SLC38A9: variants seen among roughly 807,000 people sequenced by gnomAD.
SLC38A9 encodes the protein neutral amino acid transporter 9.
A neutral mutation model predicts 62.3 loss-of-function variants in SLC38A9; 48 were observed. That is an observed-to-expected ratio of 0.77 (90% CI 0.61 to 0.98). The LOEUF is 0.98. Ranked by LOEUF, SLC38A9 falls within the 50% of genes least tolerant of loss-of-function variation. SLC38A9 has a pLI of 0.00. For synonymous variants in SLC38A9, 204 were observed against 227.7 expected (o/e 0.90, Z 0.94); for missense variants, 541 against 679.8 (o/e 0.80, Z 2.27).
At chr5:55,664,571 A>G (rs1750144463) in intron 8 of SLC38A9, 122 bp downstream of exon 8, 1 of 530,212 alleles carries the variant, frequency 1.9e-6, no homozygotes, top group African/African-American at 2.0e-5. Flanking sequence ...ATTTTCCAAA[A>G]TTATATATGT....
chr5:55,631,111 C>T (rs188189699), intron 14 of SLC38A9, among the ~76,000 whole-genome samples: 44 of 152,034 alleles, frequency 2.9e-4, no homozygotes, highest in African/African-American at 9.6e-4. Flanking sequence ...CCAGCCTGGG[C>T]GACAAGAGTG....
At position 55,630,523 on chromosome 5, in the gene SLC38A9, G is replaced by A. The variant is rs540946707; in HGVS notation, c.1431-2543C>T. 2.2e-4 allele frequency among the ~76,000 whole-genome samples: 34 copies of A among 152,214 alleles called. No individual in the cohort carries two copies. In the South Asian group the frequency reaches 7.1e-3, roughly 32 times the overall value. On this transcript the variant is annotated intron_variant, in intron 14 of 15. Transcript: ENST00000396865. Reference sequence around the variant, plus strand: ...AGTAGAGATGGGGTTTCACCATGGTGGCCAGGATGGTCTCGATCTCCTGAC... The same window carrying A: ...AGTAGAGATGGGGTTTCACCATGGTAGCCAGGATGGTCTCGATCTCCTGAC...
chr5:55,691,438 G>A (rs1754725600), intron 3 of SLC38A9: 2 of 1,014,226 alleles, frequency 2.0e-6, no homozygotes, highest in South Asian at 4.2e-5. Context: ...AAATCCCTAG[G>A]CCCTGGGGAA....
At chr5:55,688,964 A>G (rs1754350210) in intron 3 of SLC38A9, among the ~76,000 whole-genome samples, 1 of 140,322 alleles carries the variant, frequency 7.1e-6, no homozygotes, top group Non-Finnish European at 1.6e-5. Flanking sequence ...GCCATTCTGT[A>G]TATGAAGTAT....
rs571274291 is a variant in SLC38A9 at position 55,705,898 on chromosome 5, C to G, written c.-35+5554G>C. Among the ~76,000 whole-genome samples the G allele has an allele frequency of 3.3e-5, 5 of 152,038 alleles. No homozygotes were observed. In the East Asian group the frequency reaches 9.7e-4, roughly 29 times the overall value. ...AATTTTTTTGTATTTTTAGTAGAGA[C>G]GGGGTTTCACCATATTGGCCAGGCA... On this transcript the variant is annotated intron_variant, in intron 2 of 15. Transcript: ENST00000396865.
At chr5:55,671,752 GC>G (rs2150355072) in intron 4 of SLC38A9, among the ~76,000 whole-genome samples, 1 of 151,992 alleles carries the variant, frequency 6.6e-6, no homozygotes, top group South Asian at 2.1e-4. Context: ...GGAGGCTGAG[GC>G]AGGAGAATGG....
chr5:55,659,231 T>G (rs1022293442), intron 8 of SLC38A9, among the ~76,000 whole-genome samples: 1 of 150,342 alleles, frequency 6.7e-6, no homozygotes, highest in Non-Finnish European at 1.5e-5. Context: ...ACCGCTTCAA[T>G]GCAACTTCAC....
In SLC38A9 at chr5:55,711,506, A is replaced by G. The variant is rs1338445998; in HGVS notation, c.-82-7T>C. 4 of 152,004 alleles carry G rather than the reference A, an allele frequency of 2.6e-5. No individual in the cohort carries two copies. Among genetic ancestry groups the G allele is most frequent in the African/African-American group, 9.7e-5 (4 of 41,366 alleles). The allele number at this position is 152,004 out of a possible 1,614,324, so 9.4% of individuals were successfully genotyped here. A position where few individuals can be genotyped will look rare whatever the true frequency, so the allele number is the denominator to read the frequency against. ...TGGACCTCAGTTTCCTTCTCTGTAA[A>G]ATGAGGAGAATGCGCTTGACTAGCT... is the stretch of plus-strand genomic sequence containing the variant. On this transcript the variant is annotated splice_region_variant and splice_polypyrimidine_tract_variant and intron_variant, in intron 1 of 15. Transcript: ENST00000396865.
chr5:55,660,802 G>A (rs1341783294), intron 8 of SLC38A9, among the ~76,000 whole-genome samples: 1 of 151,968 alleles, frequency 6.6e-6, no homozygotes, highest in Non-Finnish European at 1.5e-5. Context: ...ATTTCATGGG[G>A]GGGGTGATCA....
At chr5:55,694,815 C>T (rs976610023) in intron 3 of SLC38A9, among the ~76,000 whole-genome samples, 1 of 149,462 alleles carries the variant, frequency 6.7e-6, no homozygotes, top group South Asian at 2.2e-4. Flanking sequence ...TGCAGTGGTA[C>T]GATCTTGGCT....
At chr5:55,638,424 G>C (rs1053732471) in intron 12 of SLC38A9, among the ~76,000 whole-genome samples, 21 of 152,176 alleles carry the variant, frequency 1.4e-4, no homozygotes, top group African/African-American at 4.6e-4. Context: ...AATATAAGCT[G>C]GTAATTATGT....
intron 2 of SLC38A9, among the ~76,000 whole-genome samples, chr5:55,709,940 G>C (rs1235894200): frequency 6.6e-6 from 1 of 151,294 alleles, no homozygotes; most frequent in Non-Finnish European, 1.5e-5. Flanking sequence ...ATGGTGGCGT[G>C]TGCCTGTAGT....
intron 3 of SLC38A9, among the ~76,000 whole-genome samples, chr5:55,678,138 G>GTTTTTT (rs769465008): frequency 0.02 from 2,637 of 128,922 alleles, 159 homozygotes; most frequent in Non-Finnish European, 0.025. Flanking sequence ...AAGGTTACTG[G>GTTTTTT]TTTTTTTTTC....
intron 8 of SLC38A9, among the ~76,000 whole-genome samples, chr5:55,659,093 C>T (rs932271081): frequency 1.3e-5 from 2 of 151,996 alleles, no homozygotes; most frequent in Non-Finnish European, 2.9e-5. Context: ...AATAAAAATA[C>T]TTAAGTAGAC....
At chr5:55,644,652 C>A (rs532205340) in intron 12 of SLC38A9, among the ~76,000 whole-genome samples, 1 of 152,204 alleles carries the variant, frequency 6.6e-6, no homozygotes, top group South Asian at 2.1e-4. Context: ...GAACTCTTGA[C>A]CTCGTGTCCA....
intron 3 of SLC38A9, among the ~76,000 whole-genome samples, chr5:55,685,538 C>A (rs984603642): frequency 6.6e-6 from 1 of 152,146 alleles, no homozygotes; most frequent in Non-Finnish European, 1.5e-5. Flanking sequence ...TGGATAGATA[C>A]CTAGAACTAG....
At chr5:55,700,698 A>C (rs547585276) in intron 2 of SLC38A9, among the ~76,000 whole-genome samples, 1 of 152,172 alleles carries the variant, frequency 6.6e-6, no homozygotes, top group East Asian at 1.9e-4. Flanking sequence ...ACTATACAGA[A>C]GCTGTTCTTA....
At chr5:55,628,393 CTT>C (rs1028283644) in intron 14 of SLC38A9, among the ~76,000 whole-genome samples, 10 of 152,030 alleles carry the variant, frequency 6.6e-5, no homozygotes, top group African/African-American at 2.4e-4. Context: ...TTTAAAATAA[CTT>C]ATCACCATTA....
At chr5:55,668,852 G>T (rs1346117408) in intron 7 of SLC38A9, among the ~76,000 whole-genome samples, 1 of 152,184 alleles carries the variant, frequency 6.6e-6, no homozygotes, top group African/African-American at 2.4e-5. Flanking sequence ...ACTTTTAGCA[G>T]ATTCTAACAT....
Sources: gnomAD v4.1 joint callset for allele counts (sites outside exome capture counted in the v4.1 genomes callset) on GRCh38, gnomAD v4.1.1 for gene constraint, MANE v1.5 for transcripts, NCBI Gene and HGNC (gene_info 2026-07-23, HGNC 2026-07-21) for gene names.